Variants in ETS2 observed in about 807,000 individuals in gnomAD.
ETS2 encodes ETS proto-oncogene 2, transcription factor.
In ETS2, 19 loss-of-function variants were observed where a neutral mutation model predicts 54.9. The ratio of observed to expected loss-of-function variants is 0.35; its 90% confidence interval spans 0.24 to 0.51. The LOEUF is 0.51. Ranked by LOEUF, ETS2 falls within the 20% of genes least tolerant of loss-of-function variation. The pLI, the probability that ETS2 is intolerant of heterozygous loss-of-function variation, is 0.97. For missense variants in ETS2, 417 were observed against 593.0 expected (o/e 0.70, Z 3.08); for synonymous variants, 219 against 229.3 (o/e 0.95, Z 0.41).
Position 38,806,077 on chromosome 21 carries a change from A to G in ETS2, c.-44A>G. The G allele has an allele frequency of 8.7e-7, 1 of 1,147,434 alleles. No homozygotes were observed. Among genetic ancestry groups the G allele is most frequent in the Non-Finnish European group, 1.1e-6 (1 of 924,152 alleles). The allele number at this position is 1,147,434 out of a possible 1,614,324, so 71.1% of individuals were successfully genotyped here. A position where few individuals can be genotyped will look rare whatever the true frequency, so the allele number is the denominator to read the frequency against. On this transcript the variant is annotated 5_prime_UTR_variant, in exon 1 of 10. Transcript: ENST00000360938. This position sits in a 1 kb window ranked among gnomAD's most constrained non-coding sequence, Gnocchi z 4.3. ...CACCGAGCAGCCGCGGGCGCCGAGC[A>G]GCCACCGTCCCGACCAAGCGCCGGC...
At chr21:38,808,579 G>GGTGTGTGTGTGTGTGT (rs1274039519) in intron 1 of ETS2, among the ~76,000 whole-genome samples, 1 of 65,138 alleles carries the variant, frequency 1.5e-5, no homozygotes, top group Non-Finnish European at 3.3e-5. Context: ...AGCCAAGAGG[G>GGTGTGTGTGTGTGTGT]GTGTGTGTGT....
In ETS2 at chr21:38,824,948, T is replaced by C. The variant is rs2060973462; in HGVS notation, c.*2059T>C. 1 of 152,454 alleles carries C rather than the reference T, an allele frequency of 6.6e-6. No homozygotes were observed. The highest frequency in any genetic ancestry group is 1.5e-5 in the Non-Finnish European group (1 of 68,052). The allele number at this position is 152,454 out of a possible 1,614,324, so 9.4% of individuals were successfully genotyped here. On this transcript the variant is annotated 3_prime_UTR_variant, in exon 10 of 10. Transcript: ENST00000360938. The stretch of plus-strand genomic sequence containing the variant: ...TCTCTCAATAATAAAGTATTTTGTT[T>C]ATATAAATTCTTTGTGATAGTCCTC...
chr21:38,814,188 C>T lies in ETS2; in HGVS notation c.185-85C>T. On this transcript the variant is annotated intron_variant, in intron 3 of 9. Coordinates refer to ENST00000360938, the MANE Select transcript of ETS2 (RefSeq NM_005239.6). The surrounding 1 kb of genome is among the most constrained non-coding windows in gnomAD (Gnocchi z 4.2). ...GGTTTGAGATCAAAATTGTTCTTTT[C>T]CAAAAACTAAGATGTCTCTCCTAAA... The T allele has an allele frequency of 1.4e-6, 2 of 1,415,842 alleles. No individual in the cohort carries two copies. Among genetic ancestry groups the T allele is most frequent in the South Asian group, 2.5e-5 (2 of 80,144 alleles). The allele number at this position is 1,415,842 out of a possible 1,614,324, so 87.7% of individuals were successfully genotyped here. A position where few individuals can be genotyped will look rare whatever the true frequency, so the allele number is the denominator to read the frequency against.
chr21:38,820,321 G>A lies in ETS2; in HGVS notation c.1075+555G>A, dbSNP rs143990983. Reference sequence around the variant, plus strand: ...CACTGCTTCGTGTATCCTTAAATGCGTTTTTGTTTTTGTTTTTTTAACCAT... The same window carrying A: ...CACTGCTTCGTGTATCCTTAAATGCATTTTTGTTTTTGTTTTTTTAACCAT... On this transcript the variant is annotated intron_variant, in intron 8 of 9. Transcript: ENST00000360938. 2.5e-3 allele frequency among the ~76,000 whole-genome samples: 383 copies of A among 152,152 alleles called. 3 individuals are homozygous for A. The highest frequency in any genetic ancestry group is 8.4e-3 in the African/African-American group (349 of 41,502).
At chr21:38,817,114 T>A in intron 6 of ETS2, 23 bp downstream of exon 6, 1 of 1,494,180 alleles carries the variant, frequency 6.7e-7, no homozygotes, top group Non-Finnish European at 9.3e-7. Context: ...GATTCTGCCC[T>A]TAAGAACTTT....
intron 1 of ETS2, chr21:38,809,656 C>A: frequency 4.8e-6 from 1 of 207,788 alleles, no homozygotes; most frequent in Non-Finnish European, 9.6e-6. Flanking sequence ...CCACTGTACC[C>A]ACCCAAGCAC....
upstream of ETS2, chr21:38,805,835 TCCTCC>T: frequency 3.8e-6 from 4 of 1,049,252 alleles, no homozygotes; most frequent in Non-Finnish European, 3.6e-6. This position sits in a 1 kb window ranked among gnomAD's most constrained non-coding sequence, Gnocchi z 5.2. Flanking sequence ...CTCCCTCGTT[TCCTCC>T]CCTCCCCTCC....
At position 38,822,785 on chromosome 21, in the gene ETS2, A is replaced by G. The variant is rs2060963320; in HGVS notation, c.1306A>G (p.Lys436Glu). The G allele has an allele frequency of 1.9e-6, 3 of 1,614,026 alleles. No homozygotes were observed. Among genetic ancestry groups the G allele is most frequent in the Non-Finnish European group, 2.5e-6 (3 of 1,180,018 alleles). Residue 436 changes from lysine (K) to glutamate (E), a missense_variant, in exon 10 of 10, where the codon AAG becomes GAG. Transcript: ENST00000360938. Reference protein sequence around the residue: ...DKNIIHKTSGKRYVYRFVCDL... With the variant: ...DKNIIHKTSGERYVYRFVCDL... ...GAACATCATCCACAAGACGTCGGGG[A>G]AGCGCTACGTGTACCGCTTCGTGTG...
intron 6 of ETS2, among the ~76,000 whole-genome samples, chr21:38,817,513 T>C (rs984319280): frequency 1.2e-4 from 18 of 152,256 alleles, no homozygotes. Flanking sequence ...CTGTTAGTGC[T>C]AGTCCAGGCA....
chr21:38,805,355 G>C (rs763043169), upstream of ETS2: 1 of 1,288,690 alleles, frequency 7.8e-7, no homozygotes, highest in African/African-American at 1.5e-5. The surrounding 1 kb of genome is among the most constrained non-coding windows in gnomAD (Gnocchi z 5.2). Context: ...GAATGGGGTC[G>C]GCTCAATTTC....
chr21:38,818,803 T>A (rs1479050292), intron 7 of ETS2, among the ~76,000 whole-genome samples, 157 bp downstream of exon 7: 1 of 152,212 alleles, frequency 6.6e-6, no homozygotes, highest in Non-Finnish European at 1.5e-5. Flanking sequence ...ATACCCCTAA[T>A]ATGTTTCAGG....
chr21:38,816,862 G>A (rs540790590), intron 5 of ETS2, 146 bp from the exon 6 acceptor site: 58 of 538,680 alleles, frequency 1.1e-4, no homozygotes, highest in Non-Finnish European at 1.6e-4. Context: ...AGGCAGGGAC[G>A]TGGAGCACCA....
intron 3 of ETS2, among the ~76,000 whole-genome samples, chr21:38,813,509 T>C (rs1000270999): frequency 4.6e-5 from 7 of 152,264 alleles, no homozygotes; most frequent in Admixed American, 2.0e-4. Flanking sequence ...TCATCTCCCC[T>C]GCCCTGAGTT....
chr21:38,817,769 G>A (rs977295553), intron 6 of ETS2, among the ~76,000 whole-genome samples: 1 of 152,176 alleles, frequency 6.6e-6, no homozygotes, highest in Admixed American at 6.5e-5. Flanking sequence ...CAGCAGGCTT[G>A]GGTGGTGTTG....
chr21:38,820,262 C>T (rs1411366829), intron 8 of ETS2, among the ~76,000 whole-genome samples: 3 of 152,156 alleles, frequency 2.0e-5, no homozygotes, highest in Non-Finnish European at 4.4e-5. Context: ...CAGGTATTTC[C>T]AGTACTTTAG....
chr21:38,805,928 CG>C lies in ETS2; in HGVS notation c.-191del, dbSNP rs1016364743. 4.5e-5 allele frequency: 56 copies of C among 1,256,270 alleles called. No individual in the cohort carries two copies. The African/African-American group carries it at 8.4e-4, about 19-fold the overall frequency. 77.8% of individuals were successfully genotyped at this position (1,256,270 alleles called of 1,614,324 possible). On this transcript the variant is annotated 5_prime_UTR_variant, in exon 1 of 10. Transcript: ENST00000360938. The surrounding 1 kb of genome is among the most constrained non-coding windows in gnomAD (Gnocchi z 5.2). Reference sequence around the variant, plus strand: ...AGAGCGCGCCGCGTGGGGGACGGCCCGGTTACTTCCTCCAGAGACTGACGAG... The same window carrying C: ...AGAGCGCGCCGCGTGGGGGACGGCCCGTTACTTCCTCCAGAGACTGACGAG...
chr21:38,814,519 AC>A lies in ETS2; in HGVS notation c.304+129del. ...GCAAAGAGTAGCATGGATGTCGTTA[AC>A]CTGAGCCAGTTTCTGTTTCACCCCA... On this transcript the variant is annotated intron_variant, in intron 4 of 9. Coordinates refer to ENST00000360938, the MANE Select transcript of ETS2 (RefSeq NM_005239.6). The surrounding 1 kb of genome is among the most constrained non-coding windows in gnomAD (Gnocchi z 4.2). 8.4e-7 allele frequency: 1 copy of A among 1,192,770 alleles called. No individual in the cohort carries two copies. Among genetic ancestry groups the A allele is most frequent in the Non-Finnish European group, 1.2e-6 (1 of 853,912 alleles). The allele number at this position is 1,192,770 out of a possible 1,614,324, so 73.9% of individuals were successfully genotyped here. A position where few individuals can be genotyped will look rare whatever the true frequency, so the allele number is the denominator to read the frequency against.
At chr21:38,811,476 G>A (rs2060913631) in intron 2 of ETS2, among the ~76,000 whole-genome samples, 1 of 152,284 alleles carries the variant, frequency 6.6e-6, no homozygotes, top group South Asian at 2.1e-4. Context: ...AAGAAAGCGG[G>A]TAACCGATTT....
chr21:38,805,500 T>G, upstream of ETS2: 1 of 1,287,810 alleles, frequency 7.8e-7, no homozygotes, highest in South Asian at 1.2e-5. The surrounding 1 kb of genome is among the most constrained non-coding windows in gnomAD (Gnocchi z 5.2). Context: ...ACGGAAAGTC[T>G]CCGCCCGGCT....
Sources: gnomAD v4.1 joint callset for allele counts (sites outside exome capture counted in the v4.1 genomes callset) on GRCh38, gnomAD v4.1.1 for gene constraint, Gnocchi (gnomAD v3.1) non-coding constraint, MANE v1.5 for transcripts, NCBI Gene and HGNC (gene_info 2026-07-23, HGNC 2026-07-21) for gene names.